Variants in ANKS1A observed in about 807,000 individuals in gnomAD.
ANKS1A encodes the protein ankyrin repeat and sterile alpha motif domain containing 1A.
Under a neutral mutation model 120.3 loss-of-function variants are expected in ANKS1A, and 55 were observed. That is an observed-to-expected ratio of 0.46 (90% confidence interval 0.37 to 0.57). The LOEUF is 0.57. Ranked by LOEUF, ANKS1A falls within the 20% of genes least tolerant of loss-of-function variation. The pLI is 0.00. For synonymous variants in ANKS1A, 590 were observed against 604.7 expected, an observed-to-expected ratio of 0.98 and a Z score of 0.36; for missense variants, 1,123 against 1,480.3, an observed-to-expected ratio of 0.76 and a Z score of 3.96.
intron 11 of ANKS1A, among the ~76,000 whole-genome samples, chr6:35,034,511 T>C (rs1448160971): frequency 1.3e-5 from 2 of 152,226 alleles, no homozygotes; most frequent in African/African-American, 4.8e-5. Context: ...ACCTGGCTTG[T>C]GGGAAGTTCT....
At chr6:34,932,003 T>C (rs1322286815) in intron 1 of ANKS1A, among the ~76,000 whole-genome samples, 2 of 152,210 alleles carry the variant, frequency 1.3e-5, no homozygotes, top group African/African-American at 4.8e-5. Flanking sequence ...GGGTGGACTG[T>C]TAGGTGCTGA....
Position 34,981,967 on chromosome 6 carries a change from G to A in ANKS1A, c.713G>A (p.Gly238Asp). ...KAVVQVLLDA[G>D]MDSNYQTEMG... ...GTGGTCCAGGTCCTCCTCGATGCTG[G>A]CATGGACAGCAACTACCAGGTAGCA... Residue 238 changes from glycine (G) to aspartate (D), a missense_variant, in exon 4 of 24, where the codon GGC becomes GAC. Physicochemically the swap from Gly to Asp is moderately conservative, Grantham distance 94. Transcript: ENST00000360359. 1 of 1,614,088 alleles carries A rather than the reference G, an allele frequency of 6.2e-7. No individual in the cohort carries two copies. Among genetic ancestry groups the A allele is most frequent in the Non-Finnish European group, 8.5e-7 (1 of 1,179,968 alleles).
chr6:35,041,962 T>C (rs1364620441), intron 11 of ANKS1A, among the ~76,000 whole-genome samples: 1 of 152,116 alleles, frequency 6.6e-6, no homozygotes, highest in African/African-American at 2.4e-5. Flanking sequence ...ACATAGATGG[T>C]AGGTTAAAGA....
chr6:35,019,544 CAA>C (rs768101581), intron 11 of ANKS1A, among the ~76,000 whole-genome samples: 21 of 152,064 alleles, frequency 1.4e-4, no homozygotes, highest in Admixed American at 2.6e-4. Flanking sequence ...GCTTAGTAAA[CAA>C]AGATTTGGTG....
At chr6:34,948,985 A>G (rs919749667) in intron 1 of ANKS1A, among the ~76,000 whole-genome samples, 5 of 152,182 alleles carry the variant, frequency 3.3e-5, no homozygotes, top group Non-Finnish European at 5.9e-5. Context: ...TGGCTCAGCC[A>G]TTTACTGTCC....
intron 2 of ANKS1A, among the ~76,000 whole-genome samples, chr6:34,969,123 A>G (rs892224698): frequency 2.0e-5 from 3 of 152,206 alleles, no homozygotes; most frequent in African/African-American, 7.2e-5. Flanking sequence ...TTGACCTCAC[A>G]TTCATAGGGA....
chr6:34,938,840 T>G (rs1159353365), intron 1 of ANKS1A, among the ~76,000 whole-genome samples: 1 of 151,312 alleles, frequency 6.6e-6, no homozygotes, highest in African/African-American at 2.4e-5. Flanking sequence ...CTACAAAAAT[T>G]TGCCGGGCGT....
intron 1 of ANKS1A, among the ~76,000 whole-genome samples, chr6:34,913,444 A>G (rs182221815): frequency 1.3e-5 from 2 of 152,242 alleles, no homozygotes; most frequent in East Asian, 3.9e-4. Context: ...CTCTGGCCTC[A>G]GCATCCTGAG....
chr6:34,927,558 T>C (rs540462398), intron 1 of ANKS1A, among the ~76,000 whole-genome samples: 114 of 152,076 alleles, frequency 7.5e-4, no homozygotes, highest in African/African-American at 2.6e-3. Flanking sequence ...ATTTTCAGGG[T>C]GGGCTGAAGT....
chr6:34,890,650 C>T (rs752941504), intron 1 of ANKS1A, among the ~76,000 whole-genome samples: 9 of 152,122 alleles, frequency 5.9e-5, no homozygotes, highest in Non-Finnish European at 1.2e-4. Flanking sequence ...GCTGTAAGGA[C>T]CGAGGGAAAA....
intron 1 of ANKS1A, among the ~76,000 whole-genome samples, chr6:34,950,896 G>A (rs1561866643): frequency 6.6e-6 from 1 of 152,200 alleles, no homozygotes; most frequent in Non-Finnish European, 1.5e-5. Context: ...TGGAGGCAAG[G>A]TCAGGCCCTA....
intron 23 of ANKS1A, among the ~76,000 whole-genome samples, chr6:35,088,293 G>A (rs1356128246): frequency 5.3e-5 from 8 of 152,202 alleles, no homozygotes; most frequent in East Asian, 1.9e-4. Context: ...GGAAGGAAGC[G>A]GCGCCCATAG....
chr6:35,064,662 A>G lies in ANKS1A; in HGVS notation c.2184+4409A>G, dbSNP rs549343230. Among the ~76,000 whole-genome samples the G allele has an allele frequency of 8.8e-4, 134 of 152,230 alleles. 1 individual carries two copies. The highest frequency in any genetic ancestry group is 3.0e-3 in the African/African-American group (126 of 41,538). Reference sequence around the variant, plus strand: ...CTTCACGTGAACAGTGGGGCTTGTCATCACCTCCTATGACATCCCTCCTTT... The same window carrying G: ...CTTCACGTGAACAGTGGGGCTTGTCGTCACCTCCTATGACATCCCTCCTTT... On this transcript the variant is annotated intron_variant, in intron 13 of 23. Transcript: ENST00000360359.
At chr6:34,990,893 G>C (rs534120495) in intron 9 of ANKS1A, among the ~76,000 whole-genome samples, 10 of 152,256 alleles carry the variant, frequency 6.6e-5, no homozygotes, top group Middle Eastern at 3.4e-3. Flanking sequence ...GTGATTATAG[G>C]TACCTGAATA....
At chr6:34,890,819 TAGC>T (rs1240019760) in intron 1 of ANKS1A, among the ~76,000 whole-genome samples, 2 of 152,366 alleles carry the variant, frequency 1.3e-5, no homozygotes, top group African/African-American at 4.8e-5. Context: ...ATGCCTTCGT[TAGC>T]TTTTGTTCCC....
intron 1 of ANKS1A, among the ~76,000 whole-genome samples, chr6:34,921,791 G>A (rs1357121041): frequency 2.0e-5 from 3 of 152,170 alleles, no homozygotes; most frequent in Non-Finnish European, 2.9e-5. Flanking sequence ...TCGAACTCCT[G>A]GGCTTAAGCG....
chr6:34,936,416 G>A (rs1410303007), intron 1 of ANKS1A, among the ~76,000 whole-genome samples: 4 of 152,180 alleles, frequency 2.6e-5, no homozygotes, highest in Admixed American at 1.3e-4. Context: ...ACTGTCAAGC[G>A]GAAGCTGGTG....
chr6:35,016,039 A>G (rs757915519), intron 10 of ANKS1A, among the ~76,000 whole-genome samples: 1 of 152,228 alleles, frequency 6.6e-6, no homozygotes, highest in Non-Finnish European at 1.5e-5. Context: ...CCATCATGAC[A>G]TGGTGGAGAC....
chr6:35,080,828 G>A (rs556936421), intron 16 of ANKS1A, among the ~76,000 whole-genome samples, 166 bp from the exon 17 acceptor site: 1 of 152,282 alleles, frequency 6.6e-6, no homozygotes, highest in East Asian at 1.9e-4. Context: ...GACGGTGGCT[G>A]CGTGGTGCCA....
Sources: allele counts gnomAD v4.1 joint callset (sites outside exome capture counted in the v4.1 genomes callset), GRCh38; gene constraint gnomAD v4.1.1; transcripts MANE v1.5; gene names NCBI Gene and HGNC (gene_info 2026-07-23, HGNC 2026-07-21).